Variants in KCNIP4 observed in about 807,000 individuals in gnomAD.
KCNIP4 encodes Kv channel-interacting protein 4.
KCNIP4 carries 12 observed loss-of-function variants against 34.0 expected under a neutral mutation model. The ratio of observed to expected loss-of-function variants is 0.35; its 90% confidence interval spans 0.23 to 0.57. The LOEUF is 0.57. Ranked by LOEUF, KCNIP4 falls within the 20% of genes least tolerant of loss-of-function variation. The pLI, the probability that KCNIP4 is intolerant of heterozygous loss-of-function variation, is 0.83. For synonymous variants in KCNIP4, 124 were observed against 102.2 expected, an observed-to-expected ratio of 1.21 and a Z score of -1.29; for missense variants, 238 against 311.7, an observed-to-expected ratio of 0.76 and a Z score of 1.78.
At chr4:21,828,757 T>A (rs1415980405) in intron 1 of KCNIP4, among the ~76,000 whole-genome samples, 1 of 151,994 alleles carries the variant, frequency 6.6e-6, no homozygotes, top group African/African-American at 2.4e-5. Context: ...AAGTATATAT[T>A]CAATTTTATT....
chr4:21,514,840 C>T (rs556145359), intron 1 of KCNIP4, among the ~76,000 whole-genome samples: 1 of 152,278 alleles, frequency 6.6e-6, no homozygotes, highest in African/African-American at 2.4e-5. Flanking sequence ...GAAAGCATCA[C>T]TATCTAAGCC....
intron 1 of KCNIP4, among the ~76,000 whole-genome samples, chr4:21,417,642 A>C (rs1295673765): frequency 6.6e-6 from 1 of 152,132 alleles, no homozygotes; most frequent in African/African-American, 2.4e-5. Flanking sequence ...GATGTTTGTT[A>C]CTCAAGGGAG....
At chr4:21,757,252 GA>G (rs779510439) in intron 1 of KCNIP4, among the ~76,000 whole-genome samples, 22 of 22,830 alleles carry the variant, frequency 9.6e-4, no homozygotes, top group Non-Finnish European at 1.3e-3. Context: ...AGAAAGAAAA[GA>G]AAAGAAAAGA....
intron 1 of KCNIP4, among the ~76,000 whole-genome samples, chr4:21,657,523 G>A (rs964260630): frequency 4.6e-5 from 7 of 152,140 alleles, no homozygotes; most frequent in African/African-American, 1.7e-4. Context: ...GTCATAATAG[G>A]CACTGAGGTA....
intron 1 of KCNIP4, among the ~76,000 whole-genome samples, chr4:21,065,868 T>A (rs1744338113): frequency 6.6e-6 from 1 of 151,098 alleles, no homozygotes. Context: ...GTAAATCAGA[T>A]CTTCCCATCA....
chr4:21,716,724 G>T (rs1393303139), intron 1 of KCNIP4, among the ~76,000 whole-genome samples: 1 of 152,032 alleles, frequency 6.6e-6, no homozygotes, highest in Non-Finnish European at 1.5e-5. Flanking sequence ...TAACCCATTT[G>T]TTTCCTCACC....
chr4:21,541,332 C>T (rs1737674592), intron 1 of KCNIP4, among the ~76,000 whole-genome samples: 1 of 152,130 alleles, frequency 6.6e-6, no homozygotes, highest in South Asian at 2.1e-4. Flanking sequence ...AGTGCTTCAG[C>T]CTTATCCCAA....
intron 1 of KCNIP4, among the ~76,000 whole-genome samples, chr4:21,063,497 T>C (rs894398648): frequency 6.6e-6 from 1 of 152,166 alleles, no homozygotes; most frequent in Non-Finnish European, 1.5e-5. Flanking sequence ...TCTTCATCCA[T>C]ATCTCTTGTA....
chr4:21,379,017 T>C (rs1367752890), intron 1 of KCNIP4, among the ~76,000 whole-genome samples: 1 of 152,158 alleles, frequency 6.6e-6, no homozygotes, highest in African/African-American at 2.4e-5. Context: ...TTACAATCCA[T>C]TTTTGAAATA....
intron 2 of KCNIP4, among the ~76,000 whole-genome samples, chr4:20,864,218 A>G (rs536904076): frequency 1.4e-5 from 2 of 143,086 alleles, no homozygotes; most frequent in Admixed American, 1.4e-4. Context: ...ATGCATGTAT[A>G]TATGCATATA....
intron 1 of KCNIP4, among the ~76,000 whole-genome samples, chr4:21,370,804 T>A (rs1279629215): frequency 2.5e-4 from 1 of 4,078 alleles, no homozygotes; most frequent in South Asian, 7.7e-3. Flanking sequence ...GATTGAAATA[T>A]ATATATATAT....
chr4:21,206,484 AT>A (rs1668285656), intron 1 of KCNIP4, among the ~76,000 whole-genome samples: 1 of 152,160 alleles, frequency 6.6e-6, no homozygotes, highest in Non-Finnish European at 1.5e-5. Flanking sequence ...GAGGAAGGTT[AT>A]AAAGAGGTTT....
intron 1 of KCNIP4, among the ~76,000 whole-genome samples, chr4:21,385,007 T>C (rs941655311): frequency 3.3e-5 from 5 of 152,192 alleles, no homozygotes; most frequent in African/African-American, 1.2e-4. Context: ...CTCCATTTAT[T>C]TATCTTCTAC....
At chr4:21,270,434 A>C (rs1288311886) in intron 1 of KCNIP4, among the ~76,000 whole-genome samples, 1 of 152,208 alleles carries the variant, frequency 6.6e-6, no homozygotes, top group African/African-American at 2.4e-5. Context: ...ACGTGTTAAG[A>C]TGATAGAACA....
chr4:21,793,905 C>G (rs1324208146), intron 1 of KCNIP4, among the ~76,000 whole-genome samples: 4 of 152,086 alleles, frequency 2.6e-5, no homozygotes, highest in Admixed American at 2.0e-4. Context: ...CAATGATAGA[C>G]TGGATTAAGA....
chr4:21,655,805 G>C (rs1747875297), intron 1 of KCNIP4, among the ~76,000 whole-genome samples: 1 of 152,156 alleles, frequency 6.6e-6, no homozygotes, highest in Non-Finnish European at 1.5e-5. Flanking sequence ...GCATTTAACA[G>C]ATCACCATGC....
intron 1 of KCNIP4, among the ~76,000 whole-genome samples, chr4:21,146,116 C>T (rs1228795652): frequency 1.3e-5 from 2 of 152,106 alleles, no homozygotes; most frequent in Non-Finnish European, 2.9e-5. Context: ...GTGGGAGACT[C>T]GGCCGGGCGC....
At chr4:21,139,597 A>T (rs1269932411) in intron 1 of KCNIP4, among the ~76,000 whole-genome samples, 1 of 152,126 alleles carries the variant, frequency 6.6e-6, no homozygotes, top group Non-Finnish European at 1.5e-5. Context: ...ACATCCAAAG[A>T]GACATGACTT....
intron 3 of KCNIP4, among the ~76,000 whole-genome samples, chr4:20,801,460 T>C (rs1237384701): frequency 6.6e-6 from 1 of 152,106 alleles, no homozygotes; most frequent in Non-Finnish European, 1.5e-5. Flanking sequence ...AAAGTCAAAA[T>C]GGTCAAAATA....
Sources: allele counts gnomAD v4.1 joint callset (sites outside exome capture counted in the v4.1 genomes callset), GRCh38; gene constraint gnomAD v4.1.1; transcripts MANE v1.5; gene names NCBI Gene and HGNC (gene_info 2026-07-23, HGNC 2026-07-21).